LAMC1: variants seen among roughly 807,000 people sequenced by gnomAD.
LAMC1 encodes laminin subunit gamma-1.
A neutral mutation model predicts 173.6 loss-of-function variants in LAMC1; 38 were observed. That is an observed-to-expected ratio of 0.22 (90% CI 0.17 to 0.29). LAMC1 has a LOEUF of 0.29. LAMC1 is among the 10% of genes least tolerant of loss of function. The pLI, the probability that LAMC1 is intolerant of heterozygous loss-of-function variation, is 1.00. For missense variants in LAMC1, 1,824 were observed against 2,051.8 expected, an observed-to-expected ratio of 0.89 and a Z score of 2.14; for synonymous variants, 746 against 749.1, an observed-to-expected ratio of 1.00 and a Z score of 0.07.
intron 4 of LAMC1, among the ~76,000 whole-genome samples, chr1:183,112,701 G>T (rs901109864): frequency 1.3e-5 from 2 of 152,074 alleles, no homozygotes; most frequent in African/African-American, 4.8e-5. Flanking sequence ...CAGGTGGGTT[G>T]GGCTTGGTGG....
chr1:183,142,860 AC>A lies in LAMC1; in HGVS notation c.*71del. On this transcript the variant is annotated 3_prime_UTR_variant, in exon 28 of 28. Transcript: ENST00000258341. The stretch of plus-strand genomic sequence containing the variant: ...TTGTGAGGCCACAGAGTGCCTTGAC[AC>A]AAAGATTACATTTTTCAGACCCCCA... 6.7e-7 allele frequency: 1 copy of A among 1,483,616 alleles called. No homozygotes were observed. Among genetic ancestry groups the A allele is most frequent in the Non-Finnish European group, 9.1e-7 (1 of 1,099,580 alleles). 91.9% of individuals were successfully genotyped at this position (1,483,616 alleles called of 1,614,324 possible).
chr1:183,031,365 C>T (rs569160779), intron 1 of LAMC1, among the ~76,000 whole-genome samples: 125 of 152,180 alleles, frequency 8.2e-4, no homozygotes, highest in African/African-American at 2.8e-3. Context: ...AGTGCAGTGG[C>T]ACGATCTTGG....
At chr1:183,104,000 A>G (rs185131328) in intron 2 of LAMC1, among the ~76,000 whole-genome samples, 5 of 152,298 alleles carry the variant, frequency 3.3e-5, no homozygotes, top group Admixed American at 3.3e-4. Flanking sequence ...GATTTCTTGG[A>G]TCTTTTCTTG....
chr1:183,122,677 C>T (rs896700942), intron 13 of LAMC1, among the ~76,000 whole-genome samples: 1 of 152,168 alleles, frequency 6.6e-6, no homozygotes, highest in African/African-American at 2.4e-5. Context: ...TGACTGAGAC[C>T]TGCATGCACT....
chr1:183,116,758 C>CT lies in LAMC1; in HGVS notation c.1428-4dup. The CT allele has an allele frequency of 6.2e-7, 1 of 1,613,580 alleles. No homozygotes were observed. Among genetic ancestry groups the CT allele is most frequent in the Non-Finnish European group, 8.5e-7 (1 of 1,179,708 alleles). ...AAAAAGTAACTGATTGTGTCTTAAT[C>CT]TTTTTCAGATGCAAACCTGGATTTT... On this transcript the variant is annotated splice_polypyrimidine_tract_variant and intron_variant, in intron 7 of 27. Transcript: ENST00000258341.
chr1:183,121,587 T>C (rs1047745113), intron 11 of LAMC1, 136 bp from the exon 12 acceptor site: 7 of 652,778 alleles, frequency 1.1e-5, no homozygotes, highest in African/African-American at 1.8e-5. Flanking sequence ...TCTCGTTTAG[T>C]GTATCAGAGC....
At chr1:183,105,955 C>CTT (rs1291648367) in intron 2 of LAMC1, among the ~76,000 whole-genome samples, 1 of 152,210 alleles carries the variant, frequency 6.6e-6, no homozygotes, top group Non-Finnish European at 1.5e-5. Flanking sequence ...TATTAAAGCA[C>CTT]TTACTATAGC....
intron 1 of LAMC1, among the ~76,000 whole-genome samples, chr1:183,036,678 A>G (rs1262806886): frequency 1.3e-5 from 2 of 152,208 alleles, no homozygotes; most frequent in Non-Finnish European, 2.9e-5. Context: ...GACGTGAGCC[A>G]CTGCGCACAG....
chr1:183,094,732 C>G (rs1655650073), intron 1 of LAMC1, among the ~76,000 whole-genome samples: 1 of 152,124 alleles, frequency 6.6e-6, no homozygotes, highest in Admixed American at 6.5e-5. Context: ...TAATTATTTC[C>G]TCTTTTAAGG....
At chr1:183,081,183 C>T (rs1655265902) in intron 1 of LAMC1, among the ~76,000 whole-genome samples, 1 of 152,102 alleles carries the variant, frequency 6.6e-6, no homozygotes, top group African/African-American at 2.4e-5. Context: ...CCACCGCGCC[C>T]GGCCTGTTCT....
At chr1:183,047,259 TA>T (rs934916047) in intron 1 of LAMC1, among the ~76,000 whole-genome samples, 9 of 152,154 alleles carry the variant, frequency 5.9e-5, no homozygotes, top group African/African-American at 1.9e-4. Flanking sequence ...TGTATTTCCC[TA>T]AAAAACAAAG....
intron 1 of LAMC1, among the ~76,000 whole-genome samples, chr1:183,039,953 C>T (rs546855963): frequency 6.6e-6 from 1 of 152,190 alleles, no homozygotes; most frequent in South Asian, 2.1e-4. Context: ...TTGGTAAAAA[C>T]CTTTGAGTGG....
chr1:183,110,488 A>G lies in LAMC1; in HGVS notation c.855A>G (p.Arg285=). 1 of 1,608,320 alleles carries G rather than the reference A, an allele frequency of 6.2e-7. No homozygotes were observed. Among genetic ancestry groups the G allele is most frequent in the Non-Finnish European group, 8.5e-7 (1 of 1,176,008 alleles). Residue 285 remains arginine, a splice_region_variant and synonymous_variant, in exon 4 of 28, where the codon AGA becomes AGG. Coordinates refer to ENST00000258341, the MANE Select transcript of LAMC1 (RefSeq NM_002293.4). The stretch of plus-strand genomic sequence containing the variant: ...TTTGGAGTATCTCTTCTCTCCCCAG[A>G]TGTAAATGTAATGGACACGCAAGCG... ...YAISDFAVGG[R]CKCNGHASEC... is the part of the protein sequence containing the mutation.
At chr1:183,117,745 A>G (rs1480540485) in intron 10 of LAMC1, 22 bp downstream of exon 10, 3 of 1,593,196 alleles carry the variant, frequency 1.9e-6, no homozygotes, top group East Asian at 4.5e-5. Context: ...TTCTTTGTAA[A>G]GTGAGACTTG....
rs1656293808 is a variant in LAMC1, at chr1:183,115,550, G to A, written c.1241G>A (p.Gly414Asp). Residue 414 changes from glycine to aspartate, a missense_variant, in exon 6 of 28, where the codon GGC (glycine) becomes GAC (aspartate). By Grantham distance (94) the Gly-to-Asp change is moderately conservative. Transcript: ENST00000258341. Reference sequence around the variant, plus strand: ...CTAAGCACACAGTGTGATAGTTACGGCAGATGCAGCTGTAAGCCAGGAGTG... The same window carrying A: ...CTAAGCACACAGTGTGATAGTTACGACAGATGCAGCTGTAAGCCAGGAGTG... ...GSLSTQCDSY[G>D]RCSCKPGVMG... 1 of 1,613,956 alleles carries A rather than the reference G, an allele frequency of 6.2e-7. No individual in the cohort carries two copies. Among genetic ancestry groups the A allele is most frequent in the Admixed American group, 1.7e-5 (1 of 60,014 alleles).
intron 1 of LAMC1, among the ~76,000 whole-genome samples, chr1:183,102,878 A>T (rs2102069083): frequency 6.6e-6 from 1 of 152,336 alleles, no homozygotes; most frequent in Admixed American, 6.5e-5. Flanking sequence ...CGTCAAGAGT[A>T]ACGTTACAGT....
At chr1:183,105,699 T>A (rs1655962022) in intron 2 of LAMC1, among the ~76,000 whole-genome samples, 1 of 152,136 alleles carries the variant, frequency 6.6e-6, no homozygotes, top group South Asian at 2.1e-4. Flanking sequence ...TGCAGTAACA[T>A]GAGTTACGTG....
At chr1:183,044,971 G>A (rs1654230158) in intron 1 of LAMC1, among the ~76,000 whole-genome samples, 1 of 150,834 alleles carries the variant, frequency 6.6e-6, no homozygotes, top group South Asian at 2.1e-4. Flanking sequence ...CTTGTCATTT[G>A]AAGGTTATTA....
chr1:183,069,093 A>G (rs921230766), intron 1 of LAMC1, among the ~76,000 whole-genome samples: 1 of 152,200 alleles, frequency 6.6e-6, no homozygotes, highest in African/African-American at 2.4e-5. Context: ...GTAACTTCAT[A>G]TTACAGACTC....
Sources: allele counts gnomAD v4.1 joint callset (sites outside exome capture counted in the v4.1 genomes callset), GRCh38; gene constraint gnomAD v4.1.1; transcripts MANE v1.5; gene names NCBI Gene and HGNC (gene_info 2026-07-23, HGNC 2026-07-21).